GAK: variants seen among roughly 807,000 people sequenced by gnomAD.
GAK encodes the protein cyclin-G-associated kinase.
Under a neutral mutation model 143.9 loss-of-function variants are expected in GAK, and 79 were observed. That is an observed-to-expected ratio of 0.55 (90% CI 0.46 to 0.66). The LOEUF is 0.66. Ranked by LOEUF, GAK falls within the 30% of genes least tolerant of loss-of-function variation. The probability of loss-of-function intolerance (pLI) is 0.00; values close to 1 mark genes in which losing one functional copy is unlikely to be tolerated. For synonymous variants in GAK, 881 were observed against 765.5 expected, an observed-to-expected ratio of 1.15 and a Z score of -2.49; for missense variants, 1,693 against 1,779.7, an observed-to-expected ratio of 0.95 and a Z score of 0.88.
At chr4:858,510 C>T (rs1337752855) in intron 24 of GAK, among the ~76,000 whole-genome samples, 1 of 152,214 alleles carries the variant, frequency 6.6e-6, no homozygotes, top group Non-Finnish European at 1.5e-5. Flanking sequence ...GCAACCCCAC[C>T]GTGCTCTCAG....
Position 877,700 on chromosome 4 carries a change from G to A in GAK, c.1771C>T (p.Gln591Ter). ...CAGAAGGGCCTGCAGCCGCTCCTCT[G>A]CTTGCTGAACAGCGGCACGGGTGTC... is the stretch of plus-strand genomic sequence containing the variant. ...VMTPVPLFSK[Q>*]RSGCRPFCEV... The change falls in exon 16 of 28, where the codon CAG becomes TAG. Residue 591 changes from glutamine to a stop codon, truncating the protein, a stop_gained. Coordinates refer to ENST00000314167, the MANE Select transcript of GAK (RefSeq NM_005255.4). LOFTEE classifies it high-confidence loss of function. The A allele has an allele frequency of 6.2e-7, 1 of 1,613,380 alleles. No individual in the cohort carries two copies. Among genetic ancestry groups the A allele is most frequent in the Non-Finnish European group, 8.5e-7 (1 of 1,179,922 alleles).
intron 1 of GAK, among the ~76,000 whole-genome samples, chr4:914,594 C>CCA (rs1435974655): frequency 8.2e-6 from 1 of 121,766 alleles, no homozygotes. Flanking sequence ...GTGCACGGCC[C>CCA]CACACACATA....
chr4:894,952 C>G (rs534633923), intron 7 of GAK: 1 of 152,068 alleles, frequency 6.6e-6, no homozygotes, highest in Admixed American at 6.6e-5. Flanking sequence ...TGCCCTCCAG[C>G]CTAGCAACAA....
At position 930,625 on chromosome 4, in the gene GAK, C is replaced by T. The variant is rs1347817591; in HGVS notation, c.145+1418G>A. 3.3e-5 allele frequency among the ~76,000 whole-genome samples: 5 copies of T among 151,842 alleles called. No homozygotes were observed. In the South Asian group the frequency reaches 1.0e-3, roughly 32 times the overall value. On this transcript the variant is annotated intron_variant, in intron 1 of 27. Transcript: ENST00000314167. ...AGTCTGAAGTTCCAGAAAGCAAGTC[C>T]TGTCCACAATAAACTTCTTAAAGAA...
At chr4:911,373 C>G (rs1486076128) in intron 4 of GAK, among the ~76,000 whole-genome samples, 1 of 152,220 alleles carries the variant, frequency 6.6e-6, no homozygotes, top group African/African-American at 2.4e-5. Context: ...GGAAGGCCAC[C>G]ACGCTCTACC....
chr4:857,954 AC>A (rs1749586780), intron 24 of GAK, among the ~76,000 whole-genome samples: 1 of 151,908 alleles, frequency 6.6e-6, no homozygotes, highest in South Asian at 2.1e-4. Context: ...TTGCATCTTC[AC>A]TCAGCTCCAC....
chr4:893,386 G>A lies in GAK; in HGVS notation c.981C>T (p.Pro327=), dbSNP rs1360004789. The change falls in exon 9 of 28, where the codon CCC becomes CCT. Residue 327 remains proline, a synonymous_variant. Transcript: ENST00000314167. ...AAARNVNPKS[P]ITELLEQNGG... ...CGTGTGCCTCCCTCACCTCTGTGATGGGAGACTTGGGGTTCACGTTGCGGG... is the reference window on the plus strand; with the variant it reads ...CGTGTGCCTCCCTCACCTCTGTGATAGGAGACTTGGGGTTCACGTTGCGGG... The A allele has an allele frequency of 1.3e-6, 2 of 1,575,648 alleles. No homozygotes were observed. The highest frequency in any genetic ancestry group is 1.7e-6 in the Non-Finnish European group (2 of 1,160,726).
chr4:851,374 G>A (rs1748111509), intron 25 of GAK: 2 of 458,932 alleles, frequency 4.4e-6, no homozygotes, highest in Admixed American at 7.3e-5. Context: ...GGGATTATAG[G>A]CGTGAGCCAC....
chr4:919,808 C>T (rs1157630966), intron 1 of GAK, among the ~76,000 whole-genome samples: 4 of 152,268 alleles, frequency 2.6e-5, no homozygotes, highest in African/African-American at 4.8e-5. Flanking sequence ...GCAGAAATTT[C>T]CTCCACATTG....
At position 865,151 on chromosome 4, in the gene GAK, G is replaced by A. The variant is rs769204384; in HGVS notation, c.3137C>T (p.Ser1046Leu). 6.8e-6 allele frequency: 11 copies of A among 1,610,854 alleles called. No homozygotes were observed. Among genetic ancestry groups the A allele is most frequent in the Admixed American group, 5.0e-5 (3 of 59,966 alleles). ...GWAAWTETAA[S>L]AVAPTPATEG... Reference sequence around the variant, plus strand: ...TGTGGCTGGCGTGGGGGCCACTGCCGATGCTGCAGTCTCGGTCCAGGCAGC... The same window carrying A: ...TGTGGCTGGCGTGGGGGCCACTGCCAATGCTGCAGTCTCGGTCCAGGCAGC... The change falls in exon 23 of 28, where the codon TCG (serine) becomes TTG (leucine). Residue 1046 changes from serine (S) to leucine (L), a missense_variant. This residue lies in a region of GAK where 822 missense variants were observed against 788.7 expected (regional missense o/e 1.04). Transcript: ENST00000314167.
chr4:862,282 C>T (rs1010778867), intron 23 of GAK, among the ~76,000 whole-genome samples: 19 of 148,338 alleles, frequency 1.3e-4, no homozygotes, highest in Non-Finnish European at 2.2e-4. Context: ...CTAAGTCATC[C>T]GCTAAGATCC....
At chr4:916,230 C>T (rs1036647257) in intron 1 of GAK, among the ~76,000 whole-genome samples, 12 of 152,278 alleles carry the variant, frequency 7.9e-5, no homozygotes, top group Middle Eastern at 6.8e-3. Flanking sequence ...GGACTTCTAT[C>T]GAGAAAATAT....
intron 1 of GAK, among the ~76,000 whole-genome samples, chr4:929,472 C>A (rs760256126): frequency 1.3e-5 from 2 of 152,166 alleles, no homozygotes; most frequent in South Asian, 2.1e-4. Flanking sequence ...AGCAACGGCA[C>A]GCAGAACCCA....
chr4:878,116 C>T (rs1359016281), intron 15 of GAK, among the ~76,000 whole-genome samples: 7 of 151,662 alleles, frequency 4.6e-5, no homozygotes, highest in Non-Finnish European at 5.9e-5. Context: ...TGAGGCCAGG[C>T]GCGGTGGCTC....
intron 24 of GAK, among the ~76,000 whole-genome samples, chr4:854,167 G>A (rs1333085738): frequency 3.3e-5 from 5 of 151,764 alleles, no homozygotes; most frequent in Admixed American, 6.6e-5. Context: ...CTCGCAGAGG[G>A]GGATTTGGCA....
intron 26 of GAK, chr4:850,297 C>A (rs1747891827): frequency 6.7e-6 from 3 of 444,632 alleles, no homozygotes; most frequent in Non-Finnish European, 8.0e-6. Context: ...GCCAGAGGGA[C>A]CCTCGTCTCA....
rs1717477130 is a variant in GAK, at chr4:890,727, C to A, written c.991-105G>T. On this transcript the variant is annotated intron_variant, in intron 9 of 27. Transcript: ENST00000314167. ...GGTGCCCTCAGAGCCCATCCTTCTGCCCCCTGATCTATGACACAGTGCAAG... is the reference window on the plus strand; with the variant it reads ...GGTGCCCTCAGAGCCCATCCTTCTGACCCCTGATCTATGACACAGTGCAAG... The A allele has an allele frequency of 4.7e-6, 4 of 856,836 alleles. No homozygotes were observed. In the East Asian group the frequency reaches 1.1e-4, roughly 23 times the overall value. 53.1% of individuals were successfully genotyped at this position (856,836 alleles called of 1,614,324 possible).
At chr4:928,989 C>T (rs1256023827) in intron 1 of GAK, among the ~76,000 whole-genome samples, 5 of 148,332 alleles carry the variant, frequency 3.4e-5, no homozygotes, top group Admixed American at 1.4e-4. Flanking sequence ...CTCGAACTCC[C>T]GATCTCAGGT....
intron 5 of GAK, among the ~76,000 whole-genome samples, chr4:904,281 G>A (rs2152912259): frequency 2.1e-5 from 2 of 96,896 alleles, no homozygotes; most frequent in Non-Finnish European, 4.3e-5. Context: ...CAGAGGCCTT[G>A]GCAGCCGCGT....
Sources: allele counts gnomAD v4.1 joint callset (sites outside exome capture counted in the v4.1 genomes callset), GRCh38; gene constraint gnomAD v4.1.1; regional missense constraint gnomAD v4.1.1; transcripts MANE v1.5; gene names NCBI Gene and HGNC (gene_info 2026-07-23, HGNC 2026-07-21).